Variants in SPOCK3 observed in about 807,000 individuals in gnomAD.
SPOCK3 encodes the protein SPARC (osteonectin), cwcv and kazal like domains proteoglycan 3.
A neutral mutation model predicts 56.6 loss-of-function variants in SPOCK3; 30 were observed. That is an observed-to-expected ratio of 0.53 (90% CI 0.40 to 0.72). SPOCK3 has a LOEUF of 0.72. Ranked by LOEUF, SPOCK3 falls within the 30% of genes least tolerant of loss-of-function variation. The probability of loss-of-function intolerance (pLI) is 0.00; values close to 1 mark genes in which losing one functional copy is unlikely to be tolerated. For synonymous variants in SPOCK3, 196 were observed against 183.3 expected, an observed-to-expected ratio of 1.07 and a Z score of -0.56; for missense variants, 527 against 530.0, an observed-to-expected ratio of 0.99 and a Z score of 0.06.
At chr4:166,896,716 A>T (rs938426167) in intron 5 of SPOCK3, among the ~76,000 whole-genome samples, 1 of 152,214 alleles carries the variant, frequency 6.6e-6, no homozygotes, top group African/African-American at 2.4e-5. Flanking sequence ...GTTTGTAAAT[A>T]CTTTCTCCAT....
chr4:166,915,155 A>G (rs1039451612), intron 4 of SPOCK3, among the ~76,000 whole-genome samples: 2 of 152,150 alleles, frequency 1.3e-5, no homozygotes, highest in East Asian at 1.9e-4. Flanking sequence ...ACCTATATGT[A>G]ATATCACTAT....
intron 2 of SPOCK3, among the ~76,000 whole-genome samples, chr4:167,069,799 T>C (rs1425065458): frequency 1.3e-5 from 2 of 152,100 alleles, no homozygotes; most frequent in East Asian, 2.0e-4. Flanking sequence ...AATGGTTATG[T>C]AACCCTGTAG....
intron 7 of SPOCK3, among the ~76,000 whole-genome samples, chr4:166,778,097 T>G (rs1739770481): frequency 6.6e-6 from 1 of 152,210 alleles, no homozygotes; most frequent in South Asian, 2.1e-4. Flanking sequence ...AGACATGTCA[T>G]ATTTTGTAAG....
At chr4:166,982,036 G>A (rs1048280211) in intron 4 of SPOCK3, among the ~76,000 whole-genome samples, 25 of 152,208 alleles carry the variant, frequency 1.6e-4, no homozygotes, top group Admixed American at 5.2e-4. Context: ...CCAGAGTGCA[G>A]CAATGCCTGG....
chr4:167,076,481 T>G (rs1200514348), intron 2 of SPOCK3, among the ~76,000 whole-genome samples: 1 of 151,772 alleles, frequency 6.6e-6, no homozygotes, highest in Non-Finnish European at 1.5e-5. Flanking sequence ...AAAAGTCTAT[T>G]ATATTAAAAA....
chr4:166,870,687 C>T (rs1382570802), intron 6 of SPOCK3, among the ~76,000 whole-genome samples: 2 of 152,016 alleles, frequency 1.3e-5, no homozygotes, highest in African/African-American at 4.8e-5. Flanking sequence ...ATTTTTGAAA[C>T]ATAAAGAAGT....
intron 2 of SPOCK3, among the ~76,000 whole-genome samples, chr4:167,166,933 G>T (rs949153716): frequency 2.6e-5 from 4 of 152,096 alleles, no homozygotes; most frequent in African/African-American, 9.7e-5. Context: ...TTATAGTGGA[G>T]TTCCATGCCC....
intron 3 of SPOCK3, among the ~76,000 whole-genome samples, chr4:167,022,213 G>C (rs1418517181): frequency 6.6e-6 from 1 of 151,970 alleles, no homozygotes; most frequent in Admixed American, 6.6e-5. Context: ...AAGCAGCCAG[G>C]CTATGCGAGC....
intron 6 of SPOCK3, among the ~76,000 whole-genome samples, chr4:166,825,121 T>C (rs543448219): frequency 7.0e-4 from 107 of 152,116 alleles, no homozygotes; most frequent in African/African-American, 2.5e-3. Flanking sequence ...CCCATGGAAA[T>C]AAAAAGTCAC....
At position 167,190,141 on chromosome 4, in the gene SPOCK3, G is replaced by A. The variant is rs1170196456; in HGVS notation, c.189+43844C>T. On this transcript the variant is annotated intron_variant, in intron 2 of 10. Transcript: ENST00000357545. The stretch of plus-strand genomic sequence containing the variant: ...TATTTCCTTTGGAAATATACTCAGA[G>A]CAAGATTGCTAGGTTGTATTGTAAC... 3.4e-5 allele frequency among the ~76,000 whole-genome samples: 5 copies of A among 145,996 alleles called. 1 individual carries two copies. The highest frequency in any genetic ancestry group is 5.2e-5 in the African/African-American group (2 of 38,406).
chr4:166,899,662 A>C (rs1735826622), intron 5 of SPOCK3, among the ~76,000 whole-genome samples: 1 of 151,896 alleles, frequency 6.6e-6, no homozygotes, highest in Non-Finnish European at 1.5e-5. Context: ...GATTACAGGC[A>C]CACGCCACCA....
At chr4:167,115,317 G>GAAA (rs34552247) in intron 2 of SPOCK3, among the ~76,000 whole-genome samples, 1 of 123,008 alleles carries the variant, frequency 8.1e-6, no homozygotes, top group Non-Finnish European at 1.7e-5. Context: ...GCCTTGTACA[G>GAAA]AAAAAAAAAA....
intron 2 of SPOCK3, among the ~76,000 whole-genome samples, chr4:167,227,272 T>C (rs1016832266): frequency 6.6e-6 from 1 of 152,090 alleles, no homozygotes. Context: ...TTGGAACTTA[T>C]AGGACTAAAG....
intron 6 of SPOCK3, among the ~76,000 whole-genome samples, chr4:166,880,491 G>GTAA (rs1481671110): frequency 6.6e-6 from 1 of 152,104 alleles, no homozygotes; most frequent in African/African-American, 2.4e-5. Flanking sequence ...AAATTCTCCA[G>GTAA]CGTTTACTTT....
At chr4:166,995,773 C>T (rs1579939248) in intron 4 of SPOCK3, among the ~76,000 whole-genome samples, 1 of 151,978 alleles carries the variant, frequency 6.6e-6, no homozygotes, top group South Asian at 2.1e-4. Context: ...GAAATAAATA[C>T]TGGATTTAAT....
intron 4 of SPOCK3, among the ~76,000 whole-genome samples, chr4:166,989,433 A>G (rs1262287668): frequency 6.6e-6 from 1 of 152,112 alleles, no homozygotes; most frequent in Non-Finnish European, 1.5e-5. Context: ...AATCCCTCTA[A>G]GTTTAGTGAA....
At chr4:166,771,389 G>T (rs1258723746) in intron 7 of SPOCK3, among the ~76,000 whole-genome samples, 1 of 151,864 alleles carries the variant, frequency 6.6e-6, no homozygotes, top group Non-Finnish European at 1.5e-5. Context: ...GAATTTCAAG[G>T]TAAATAGATT....
chr4:167,047,817 G>A (rs1324520520), intron 3 of SPOCK3, among the ~76,000 whole-genome samples: 1 of 152,176 alleles, frequency 6.6e-6, no homozygotes, highest in Non-Finnish European at 1.5e-5. Flanking sequence ...GGAGACCCAG[G>A]CCAGCAGATA....
intron 6 of SPOCK3, among the ~76,000 whole-genome samples, chr4:166,871,628 GA>G (rs56296390): frequency 0.86 from 130,743 of 151,632 alleles, 56,505 homozygotes; most frequent in African/African-American, 0.91. Context: ...GGAACATTTA[GA>G]AAAAAACAAT....
Sources: gnomAD v4.1 joint callset for allele counts (sites outside exome capture counted in the v4.1 genomes callset) on GRCh38, gnomAD v4.1.1 for gene constraint, MANE v1.5 for transcripts, NCBI Gene and HGNC (gene_info 2026-07-23, HGNC 2026-07-21) for gene names.